Variants in KCNH1 observed in about 807,000 individuals in gnomAD.
The protein encoded by KCNH1 is potassium voltage-gated channel subfamily H member 1.
A neutral mutation model predicts 69.2 loss-of-function variants in KCNH1; 27 were observed. That is an observed-to-expected ratio of 0.39 (90% CI 0.29 to 0.54). KCNH1 has a LOEUF of 0.54. KCNH1 is among the 20% of genes least tolerant of loss of function. KCNH1 has a pLI of 0.68. For synonymous variants in KCNH1, 456 were observed against 487.7 expected (o/e 0.93, Z 0.86); for missense variants, 798 against 1,261.6 (o/e 0.63, Z 5.57).
intron 6 of KCNH1, among the ~76,000 whole-genome samples, chr1:210,952,362 A>T (rs1688080083): frequency 6.6e-6 from 1 of 152,058 alleles, no homozygotes; most frequent in South Asian, 2.1e-4. Context: ...TTCCCCATAA[A>T]GCCTCATCTT....
intron 6 of KCNH1, among the ~76,000 whole-genome samples, chr1:210,958,429 G>C (rs1327308984): frequency 6.6e-6 from 1 of 152,122 alleles, no homozygotes; most frequent in Non-Finnish European, 1.5e-5. Flanking sequence ...GGGGTTCTCT[G>C]TATTTCCTGA....
intron 5 of KCNH1, among the ~76,000 whole-genome samples, chr1:211,048,212 G>C (rs1440486346): frequency 1.3e-5 from 2 of 152,116 alleles, no homozygotes; most frequent in Admixed American, 6.5e-5. Flanking sequence ...GGTGAAAAGG[G>C]AACACTTTTA....
chr1:210,850,834 A>T (rs1205438926), intron 7 of KCNH1, among the ~76,000 whole-genome samples: 4 of 152,192 alleles, frequency 2.6e-5, no homozygotes, highest in Non-Finnish European at 5.9e-5. Flanking sequence ...ATCCTGGGGG[A>T]GATCAAAAGC....
At chr1:210,931,944 G>A (rs1574345723) in intron 6 of KCNH1, among the ~76,000 whole-genome samples, 1 of 151,482 alleles carries the variant, frequency 6.6e-6, no homozygotes, top group African/African-American at 2.4e-5. Flanking sequence ...AGAAGACAAA[G>A]TAATAAAAAA....
intron 6 of KCNH1, among the ~76,000 whole-genome samples, chr1:210,947,053 GTTAATT>G (rs1317694720): frequency 1.3e-5 from 2 of 152,174 alleles, no homozygotes; most frequent in Non-Finnish European, 2.9e-5. Context: ...CAGGCACCCT[GTTAATT>G]TCAAGACCAA....
chr1:210,767,318 C>A (rs1418064956), intron 10 of KCNH1, among the ~76,000 whole-genome samples: 1 of 152,152 alleles, frequency 6.6e-6, no homozygotes, highest in African/African-American at 2.4e-5. Context: ...GGGAGGGGAG[C>A]TGAGTTGAGG....
intron 7 of KCNH1, among the ~76,000 whole-genome samples, chr1:210,867,362 C>CACATATATAT (rs1491359165): frequency 4.5e-5 from 3 of 67,270 alleles, no homozygotes; most frequent in African/African-American, 1.0e-4. Context: ...CACACACACA[C>CACATATATAT]ATATATATAT....
intron 10 of KCNH1, among the ~76,000 whole-genome samples, chr1:210,752,746 C>T (rs1410185557): frequency 6.6e-6 from 1 of 152,116 alleles, no homozygotes; most frequent in African/African-American, 2.4e-5. Flanking sequence ...TATGCCTCCT[C>T]ACCAAGCCCC....
chr1:210,987,347 A>G (rs1392321716), intron 6 of KCNH1, among the ~76,000 whole-genome samples: 3 of 152,140 alleles, frequency 2.0e-5, no homozygotes, highest in Non-Finnish European at 2.9e-5. Context: ...TCTTTCGAGG[A>G]GGAGAGGCAC....
intron 7 of KCNH1, among the ~76,000 whole-genome samples, chr1:210,821,802 C>CTATTTATTTATTTATT (rs71767944): frequency 7.0e-6 from 1 of 142,450 alleles, no homozygotes; most frequent in African/African-American, 2.6e-5. Context: ...TTAACTCCAG[C>CTATTTATTTATTTATT]TATTTATTTA....
At chr1:210,770,420 T>C (rs1683732210) in intron 10 of KCNH1, among the ~76,000 whole-genome samples, 1 of 152,242 alleles carries the variant, frequency 6.6e-6, no homozygotes, top group Non-Finnish European at 1.5e-5. Flanking sequence ...TCAGCCCCTT[T>C]TCACAAACAA....
intron 6 of KCNH1, among the ~76,000 whole-genome samples, chr1:210,950,403 A>G (rs1361035581): frequency 1.0e-4 from 12 of 119,678 alleles, no homozygotes; most frequent in Non-Finnish European, 1.8e-4. Flanking sequence ...AGAGTGTGAT[A>G]TTCCCCTTCC....
chr1:211,006,559 A>G (rs909303258), intron 6 of KCNH1, among the ~76,000 whole-genome samples: 12 of 150,112 alleles, frequency 8.0e-5, no homozygotes, highest in Non-Finnish European at 1.8e-4. Context: ...AGAAGTGACT[A>G]GGAACGATGA....
intron 6 of KCNH1, among the ~76,000 whole-genome samples, chr1:210,996,798 C>T (rs1049623759): frequency 2.0e-5 from 3 of 152,216 alleles, no homozygotes; most frequent in Non-Finnish European, 4.4e-5. Flanking sequence ...CCCAGAGGAA[C>T]GATCAGGCAG....
intron 6 of KCNH1, among the ~76,000 whole-genome samples, chr1:210,962,253 T>G (rs1419491995): frequency 6.6e-6 from 1 of 152,218 alleles, no homozygotes; most frequent in African/African-American, 2.4e-5. Context: ...AGGCTCAGAT[T>G]GTTTTTCAGC....
At chr1:210,942,603 A>C (rs1687894516) in intron 6 of KCNH1, among the ~76,000 whole-genome samples, 1 of 152,194 alleles carries the variant, frequency 6.6e-6, no homozygotes, top group Non-Finnish European at 1.5e-5. Context: ...GTTAATAAAT[A>C]AGGAGAATAA....
chr1:210,940,120 T>C (rs1173999923), intron 6 of KCNH1, among the ~76,000 whole-genome samples: 2 of 152,256 alleles, frequency 1.3e-5, no homozygotes, highest in Non-Finnish European at 2.9e-5. Flanking sequence ...TTGGAAGTTA[T>C]TCAATGAAGC....
chr1:210,884,163 T>A (rs1205392220), intron 7 of KCNH1, among the ~76,000 whole-genome samples: 1 of 152,186 alleles, frequency 6.6e-6, no homozygotes, highest in Middle Eastern at 3.2e-3. Flanking sequence ...GTCATTACCC[T>A]TTGAAAGGGA....
chr1:210,718,144 T>C (rs572795097), intron 10 of KCNH1, among the ~76,000 whole-genome samples: 57 of 147,788 alleles, frequency 3.9e-4, no homozygotes, highest in Non-Finnish European at 6.6e-4. Flanking sequence ...AGGAAAAAAA[T>C]AGGTAAAATT....
Sources: gnomAD v4.1 joint callset for allele counts (sites outside exome capture counted in the v4.1 genomes callset) on GRCh38, gnomAD v4.1.1 for gene constraint, MANE v1.5 for transcripts, NCBI Gene and HGNC (gene_info 2026-07-23, HGNC 2026-07-21) for gene names.